Variants in UBAC2 observed in about 807,000 individuals in gnomAD.
UBAC2 encodes UBA domain containing 2, also known as ubiquitin-associated domain-containing protein 2.
UBAC2 carries 26 observed loss-of-function variants against 44.0 expected under a neutral mutation model. The ratio of observed to expected loss-of-function variants is 0.59; its 90% CI spans 0.43 to 0.82. The LOEUF is 0.82. Ranked by LOEUF, UBAC2 falls within the 40% of genes least tolerant of loss-of-function variation. The pLI is 0.00. For missense variants in UBAC2, 329 were observed against 419.4 expected, an observed-to-expected ratio of 0.78 and a Z score of 1.88; for synonymous variants, 155 against 154.3, an observed-to-expected ratio of 1.00 and a Z score of -0.04.
intron 4 of UBAC2, among the ~76,000 whole-genome samples, chr13:99,252,513 A>G (rs7999572): frequency 0.012 from 1,834 of 152,350 alleles, 47 homozygotes; most frequent in African/African-American, 0.041. Context: ...GCTCATGACT[A>G]TGATTTAAAC....
chr13:99,203,449 A>C (rs1272325119), intron 1 of UBAC2, among the ~76,000 whole-genome samples: 2 of 152,240 alleles, frequency 1.3e-5, no homozygotes, highest in African/African-American at 4.8e-5. Context: ...GGTGAATAAC[A>C]GTCCCTTTCC....
At chr13:99,250,101 T>G (rs964266019) in intron 4 of UBAC2, among the ~76,000 whole-genome samples, 1 of 152,198 alleles carries the variant, frequency 6.6e-6, no homozygotes, top group Admixed American at 6.5e-5. Context: ...TTCATTGCAA[T>G]TGCTTTTGAG....
intron 7 of UBAC2, among the ~76,000 whole-genome samples, chr13:99,350,559 AG>A (rs1566516422): frequency 6.6e-6 from 1 of 152,230 alleles, no homozygotes; most frequent in Non-Finnish European, 1.5e-5. Context: ...AGCAGGGTGC[AG>A]GGGGTGCCAG....
Position 99,307,779 on chromosome 13 carries a change from T to G in UBAC2, c.390-6318T>G, listed in dbSNP as rs566283144. 4.6e-5 allele frequency among the ~76,000 whole-genome samples: 7 copies of G among 152,356 alleles called. No individual in the cohort carries two copies. In the South Asian group the frequency reaches 1.2e-3, roughly 27 times the overall value. ...GTAAAAGTATGGGTTTTTAAATGTT[T>G]TAAGGAAAATAGTGTCAACTTTGAC... is the stretch of plus-strand genomic sequence containing the variant. On this transcript the variant is annotated intron_variant, in intron 4 of 8. Transcript: ENST00000403766.
intron 6 of UBAC2, among the ~76,000 whole-genome samples, chr13:99,330,180 G>T (rs570460394): frequency 6.6e-6 from 1 of 152,108 alleles, no homozygotes; most frequent in East Asian, 1.9e-4. Flanking sequence ...CAGCTGATTG[G>T]CTGGGTGTGG....
chr13:99,361,853 C>G (rs2045269392), intron 7 of UBAC2, among the ~76,000 whole-genome samples: 2 of 152,010 alleles, frequency 1.3e-5, no homozygotes, highest in African/African-American at 4.8e-5. Context: ...TAAAATAGAC[C>G]AGACGCAATG....
At chr13:99,235,979 T>A (rs2043228261) in intron 1 of UBAC2, among the ~76,000 whole-genome samples, 1 of 152,038 alleles carries the variant, frequency 6.6e-6, no homozygotes, top group South Asian at 2.1e-4. Context: ...AAAAAAAAAT[T>A]GTGCTGGTAA....
At chr13:99,208,849 A>T (rs1178933217) in intron 1 of UBAC2, among the ~76,000 whole-genome samples, 1 of 151,632 alleles carries the variant, frequency 6.6e-6, no homozygotes, top group African/African-American at 2.4e-5. Context: ...CTCTTCAGAG[A>T]CTCCCGACTT....
At chr13:99,352,149 T>C (rs1244668867) in intron 7 of UBAC2, among the ~76,000 whole-genome samples, 1 of 152,214 alleles carries the variant, frequency 6.6e-6, no homozygotes, top group Non-Finnish European at 1.5e-5. Flanking sequence ...TAACTTTTTT[T>C]AGTGTTTTAA....
chr13:99,351,105 A>G (rs781568983), intron 7 of UBAC2, among the ~76,000 whole-genome samples: 1 of 152,252 alleles, frequency 6.6e-6, no homozygotes, highest in Non-Finnish European at 1.5e-5. Context: ...GTTGACAGGG[A>G]CATCTATACA....
intron 2 of UBAC2, among the ~76,000 whole-genome samples, chr13:99,239,826 T>C (rs556565179): frequency 6.6e-6 from 1 of 152,300 alleles, no homozygotes; most frequent in Admixed American, 6.5e-5. Context: ...AACACACGCA[T>C]ACACATAAGA....
At chr13:99,331,329 T>A (rs1259222652) in intron 6 of UBAC2, among the ~76,000 whole-genome samples, 1 of 152,254 alleles carries the variant, frequency 6.6e-6, no homozygotes, top group Non-Finnish European at 1.5e-5. Context: ...AAGCCACTGT[T>A]GTTTGAAGTT....
rs557044130 is a variant in UBAC2 at position 99,343,946 on chromosome 13, A to T, written c.807+3381A>T. On this transcript the variant is annotated intron_variant, in intron 7 of 8. Coordinates refer to ENST00000403766, the MANE Select transcript of UBAC2 (RefSeq NM_001144072.2). ...TTCAACAAATAAGTACTTAGTGCTT[A>T]TTATATGGTAGGCCTAGAGCTGGAC... Among the ~76,000 whole-genome samples the T allele has an allele frequency of 2.0e-5, 3 of 152,334 alleles. No homozygotes were observed. The South Asian group carries it at 6.2e-4, about 32-fold the overall frequency.
chr13:99,245,308 C>T (rs771032526), intron 4 of UBAC2, among the ~76,000 whole-genome samples: 18 of 152,114 alleles, frequency 1.2e-4, no homozygotes, highest in African/African-American at 7.2e-5. Flanking sequence ...TTAATTTGTA[C>T]GAAGTTAAGC....
chr13:99,201,252 G>T (rs980697327), intron 1 of UBAC2: 21 of 1,439,586 alleles, frequency 1.5e-5, no homozygotes, highest in African/African-American at 2.9e-5. Flanking sequence ...TCGTGGGCCG[G>T]CCCCAGGCCC....
chr13:99,340,219 A>T, intron 6 of UBAC2, 101 bp from the exon 7 acceptor site: 1 of 1,343,434 alleles, frequency 7.4e-7, no homozygotes, highest in South Asian at 1.4e-5. Flanking sequence ...GACTAAGAAA[A>T]ATACCGTGTG....
intron 1 of UBAC2, among the ~76,000 whole-genome samples, chr13:99,235,180 CTT>C (rs1350784261): frequency 6.6e-6 from 1 of 152,140 alleles, no homozygotes; most frequent in Non-Finnish European, 1.5e-5. Flanking sequence ...CTTTTAGCCT[CTT>C]TTAATTTTTT....
chr13:99,262,682 G>T (rs2043681006), intron 4 of UBAC2, among the ~76,000 whole-genome samples: 3 of 114,648 alleles, frequency 2.6e-5, no homozygotes, highest in Admixed American at 1.2e-4. Flanking sequence ...CTGAACTCCA[G>T]CCTGGGCAAC....
intron 7 of UBAC2, among the ~76,000 whole-genome samples, chr13:99,360,005 C>T (rs1004919385): frequency 6.6e-6 from 1 of 152,182 alleles, no homozygotes; most frequent in Non-Finnish European, 1.5e-5. Context: ...TTCCAATGGC[C>T]AACAGTCTTA....
Sources: allele counts gnomAD v4.1 joint callset (sites outside exome capture counted in the v4.1 genomes callset), GRCh38; gene constraint gnomAD v4.1.1; transcripts MANE v1.5; gene names NCBI Gene and HGNC (gene_info 2026-07-23, HGNC 2026-07-21).